The following LGSN variants were observed in gnomAD, a reference collection of about 807,000 sequenced individuals.
LGSN encodes lengsin, lens protein with glutamine synthetase domain, also known as lengsin.
LGSN carries 21 observed loss-of-function variants against 19.5 expected under a neutral mutation model. The ratio of observed to expected loss-of-function variants is 1.07; its 90% CI spans 0.76 to 1.55. The LOEUF is 1.55. Among genes scored for constraint, LGSN ranks in the 40% most tolerant of loss-of-function variants. The pLI is 0.00. For missense variants in LGSN, 673 were observed against 608.5 expected, an observed-to-expected ratio of 1.11 and a Z score of -1.12; for synonymous variants, 257 against 215.6, an observed-to-expected ratio of 1.19 and a Z score of -1.68.
the LGSN span, among the ~76,000 whole-genome samples, chr6:63,386,207 G>C: frequency 1.3e-5 from 2 of 152,140 alleles, no homozygotes; most frequent in South Asian, 2.1e-4. Flanking sequence ...ATAAGCAAGA[G>C]AGGGACCCCT....
the LGSN span, among the ~76,000 whole-genome samples, chr6:63,338,206 C>G: frequency 6.6e-6 from 1 of 152,046 alleles, no homozygotes; most frequent in South Asian, 2.1e-4. Context: ...AATATTTTGA[C>G]AACTCTTCTT....
intron 1 of LGSN, among the ~76,000 whole-genome samples, chr6:63,300,750 AAG>A (rs1303436608): frequency 6.6e-6 from 1 of 152,176 alleles, no homozygotes; most frequent in African/African-American, 2.4e-5. Flanking sequence ...TAAAATATTG[AAG>A]TATTAATTAT....
the LGSN span, among the ~76,000 whole-genome samples, chr6:63,412,038 A>G: frequency 6.6e-6 from 1 of 152,106 alleles, no homozygotes; most frequent in African/African-American, 2.4e-5. Context: ...GAAAAACTTA[A>G]AATAGTGAAT....
chr6:63,553,517 C>G, the LGSN span, among the ~76,000 whole-genome samples: 1 of 152,292 alleles, frequency 6.6e-6, no homozygotes, highest in East Asian at 1.9e-4. Context: ...AGTTTGGTAT[C>G]CTGTCATGCA....
chr6:63,524,861 G>T, the LGSN span, among the ~76,000 whole-genome samples: 2 of 152,104 alleles, frequency 1.3e-5, no homozygotes, highest in South Asian at 4.1e-4. Flanking sequence ...GCGAGATGTG[G>T]CATACCACAA....
intron 1 of LGSN, among the ~76,000 whole-genome samples, chr6:63,310,452 A>AT (rs1768578704): frequency 6.6e-6 from 1 of 152,088 alleles, no homozygotes; most frequent in Admixed American, 6.5e-5. Context: ...ATTATCTCCC[A>AT]TTTTTTGTGG....
the LGSN span, among the ~76,000 whole-genome samples, chr6:63,504,178 A>G: frequency 3.5e-4 from 53 of 151,440 alleles, no homozygotes; most frequent in East Asian, 9.8e-3. Flanking sequence ...TGTTCTTGTC[A>G]CTCAGGCTGG....
At chr6:63,318,362 G>C (rs1030642720) in intron 1 of LGSN, among the ~76,000 whole-genome samples, 8 of 152,140 alleles carry the variant, frequency 5.3e-5, no homozygotes, top group Non-Finnish European at 1.2e-4. Context: ...ATGAAACACA[G>C]TCTTGTCCTT....
chr6:63,369,872 T>C, the LGSN span, among the ~76,000 whole-genome samples: 4 of 152,012 alleles, frequency 2.6e-5, no homozygotes, highest in Non-Finnish European at 5.9e-5. Context: ...GCGTGGCACA[T>C]GCCTGTTGCC....
intron 1 of LGSN, among the ~76,000 whole-genome samples, chr6:63,315,614 C>CTG (rs1236382139): frequency 1.8e-5 from 2 of 113,080 alleles, no homozygotes; most frequent in African/African-American, 6.6e-5. Flanking sequence ...CTCTCTCTCT[C>CTG]TCTCTGTGTG....
At chr6:63,550,528 C>T in the LGSN span, 1 of 152,128 alleles carries the variant, frequency 6.6e-6, no homozygotes, top group Admixed American at 6.5e-5. Flanking sequence ...TGATAAAGGG[C>T]CTGTAAGAGC....
At chr6:63,452,186 T>C in the LGSN span, among the ~76,000 whole-genome samples, 3 of 152,138 alleles carry the variant, frequency 2.0e-5, no homozygotes, top group Non-Finnish European at 4.4e-5. Context: ...AATCAAATGT[T>C]TGGTAGGTTT....
At chr6:63,452,310 G>A in the LGSN span, among the ~76,000 whole-genome samples, 69 of 152,102 alleles carry the variant, frequency 4.5e-4, no homozygotes, top group African/African-American at 1.6e-3. Context: ...GTACAGTGGC[G>A]CAATCATAGC....
At chr6:63,564,751 A>T in the LGSN span, among the ~76,000 whole-genome samples, 1 of 152,172 alleles carries the variant, frequency 6.6e-6, no homozygotes, top group Non-Finnish European at 1.5e-5. Context: ...AAACAATCAC[A>T]TGGAGACTGT....
chr6:63,368,670 A>T, the LGSN span, among the ~76,000 whole-genome samples: 1 of 152,154 alleles, frequency 6.6e-6, no homozygotes, highest in Non-Finnish European at 1.5e-5. Flanking sequence ...AACATCTATC[A>T]GCCTCTAATT....
chr6:63,398,208 A>C, the LGSN span, among the ~76,000 whole-genome samples: 1 of 91,804 alleles, frequency 1.1e-5, no homozygotes, highest in Non-Finnish European at 1.9e-5. Context: ...CCTATTTACT[A>C]AAAAAAAAAA....
At chr6:63,523,512 AAAAT>A in the LGSN span, among the ~76,000 whole-genome samples, 4 of 152,152 alleles carry the variant, frequency 2.6e-5, no homozygotes, top group Admixed American at 6.5e-5. Context: ...CTCCATCTCA[AAAAT>A]AAATAAATAA....
chr6:63,563,694 C>A, the LGSN span, among the ~76,000 whole-genome samples: 3 of 152,108 alleles, frequency 2.0e-5, no homozygotes, highest in Non-Finnish European at 4.4e-5. Context: ...GCATTTAACA[C>A]ATATGTGTTG....
At chr6:63,368,675 C>G in the LGSN span, among the ~76,000 whole-genome samples, 1 of 152,218 alleles carries the variant, frequency 6.6e-6, no homozygotes, top group African/African-American at 2.4e-5. Flanking sequence ...CTATCAGCCT[C>G]TAATTTTTAA....
Sources: allele counts gnomAD v4.1 joint callset (sites outside exome capture counted in the v4.1 genomes callset), GRCh38; gene constraint gnomAD v4.1.1; transcripts MANE v1.5; gene names NCBI Gene and HGNC (gene_info 2026-07-23, HGNC 2026-07-21).